The following TTC3 variants were observed in gnomAD, a reference collection of about 807,000 sequenced individuals.
TTC3 encodes tetratricopeptide repeat domain 3, also known as E3 ubiquitin-protein ligase TTC3.
In TTC3, 180 loss-of-function variants were observed where a neutral mutation model predicts 249.6. The ratio of observed to expected loss-of-function variants is 0.72; its 90% confidence interval spans 0.64 to 0.82. The LOEUF (loss-of-function observed/expected upper bound fraction) is 0.82, where lower values mean the gene tolerates loss of function less well. TTC3 is among the 40% of genes least tolerant of loss of function. The probability of loss-of-function intolerance (pLI) is 0.00; values close to 1 mark genes in which losing one functional copy is unlikely to be tolerated. For missense variants in TTC3, 2,061 were observed against 2,398.4 expected (o/e 0.86, Z 2.94); for synonymous variants, 717 against 805.0 (o/e 0.89, Z 1.85).
At chr21:37,199,318 G>A (rs535810900) in intron 44 of TTC3, among the ~76,000 whole-genome samples, 12 of 152,376 alleles carry the variant, frequency 7.9e-5, no homozygotes, top group East Asian at 7.7e-4. Context: ...ACCCAGATGG[G>A]ACTCATTTTG....
intron 34 of TTC3, among the ~76,000 whole-genome samples, chr21:37,170,338 A>G (rs2081646976): frequency 6.6e-6 from 1 of 152,258 alleles, no homozygotes; most frequent in Non-Finnish European, 1.5e-5. Context: ...ACAATTCACA[A>G]TGAAAGAAAT....
At position 37,122,087 on chromosome 21, in the gene TTC3, A is replaced by G. The variant is rs1601592626; in HGVS notation, c.1063+108A>G. 5.7e-6 allele frequency: 6 copies of G among 1,051,786 alleles called. No homozygotes were observed. In the East Asian group the frequency reaches 1.6e-4, roughly 28 times the overall value. 65.2% of individuals were successfully genotyped at this position (1,051,786 alleles called of 1,614,324 possible). A position where few individuals can be genotyped will look rare whatever the true frequency, so the allele number is the denominator to read the frequency against. On this transcript the variant is annotated intron_variant, in intron 12 of 45. Coordinates refer to ENST00000355666, the Ensembl canonical transcript of TTC3. ...CCACAAATCAATCCTCAGATGATTT[A>G]TCCTTATTTTATCATGTTATCTTGG...
chr21:37,138,513 A>G, intron 18 of TTC3, 121 bp from the exon 19 acceptor site: 2 of 650,030 alleles, frequency 3.1e-6, no homozygotes. Flanking sequence ...AGATTTTATG[A>G]CAATCATTGA....
rs553316028 is a variant in TTC3, at chr21:37,087,267, T to A, written c.10T>A (p.Phe4Ile). 13 of 1,613,980 alleles carry A rather than the reference T, an allele frequency of 8.1e-6. No individual in the cohort carries two copies. The East Asian group carries it at 2.9e-4, about 36-fold the overall frequency. Residue 4 changes from phenylalanine to isoleucine, a missense_variant, in exon 2 of 46, where the codon TTT (phenylalanine) becomes ATT (isoleucine). Physicochemically the swap from Phe to Ile is conservative, Grantham distance 21. Coordinates refer to ENST00000355666, the Ensembl canonical transcript of TTC3. ...CTTAGACTTGTGCACCATGGACAAT[T>A]TTGCTGAGGGAGATTTCACTGTGGC...
Position 37,147,464 on chromosome 21 carries a change from T to C in TTC3, c.1894-17T>C, listed in dbSNP as rs774956453. ...ATTAGTATTGTAATGGTATCATTTT[T>C]GTTTATTTTGTTTTAGATGCTGTTA... On this transcript the variant is annotated splice_polypyrimidine_tract_variant and intron_variant, in intron 21 of 45. Coordinates refer to ENST00000355666, the Ensembl canonical transcript of TTC3. 2.9e-5 allele frequency: 46 copies of C among 1,590,450 alleles called. No individual in the cohort carries two copies. Among genetic ancestry groups the C allele is most frequent in the Non-Finnish European group, 3.5e-5 (41 of 1,172,064 alleles).
chr21:37,162,728 C>G, intron 31 of TTC3, among the ~76,000 whole-genome samples: 1 of 151,968 alleles, frequency 6.6e-6, no homozygotes, highest in East Asian at 1.9e-4. Context: ...AATAGCCTGT[C>G]TTAGTCAGTT....
intron 41 of TTC3, among the ~76,000 whole-genome samples, chr21:37,195,279 G>A (rs1430677714): frequency 6.6e-6 from 1 of 152,192 alleles, no homozygotes; most frequent in Non-Finnish European, 1.5e-5. Context: ...GGAAGAGGAG[G>A]CGGCCCCCTG....
chr21:37,082,714 G>A, intron 1 of TTC3: 1 of 817,072 alleles, frequency 1.2e-6, no homozygotes, highest in Non-Finnish European at 1.5e-6. Flanking sequence ...TCCAAAAAGT[G>A]TTTTTTTTTT....
intron 6 of TTC3, chr21:37,090,544 T>C: frequency 2.1e-6 from 2 of 938,746 alleles, no homozygotes; most frequent in Non-Finnish European, 2.5e-6. Flanking sequence ...TCTTTTAGAT[T>C]ATTTACCTGG....
rs759361665 is a variant in TTC3 at position 37,165,532 on chromosome 21, A to G, written c.3336-18A>G. On this transcript the variant is annotated intron_variant, in intron 32 of 45. Coordinates refer to ENST00000355666, the Ensembl canonical transcript of TTC3. ...TACTTCCTTATAGTAACTCATGTAAATGTAAATTTTTTCCAAGTTACTTCT... is the reference window on the plus strand; with the variant it reads ...TACTTCCTTATAGTAACTCATGTAAGTGTAAATTTTTTCCAAGTTACTTCT... The G allele has an allele frequency of 3.8e-6, 6 of 1,565,162 alleles. No individual in the cohort carries two copies. The highest frequency in any genetic ancestry group is 1.2e-5 in the South Asian group (1 of 84,696).
At chr21:37,178,210 C>T (rs543733312) in intron 35 of TTC3, among the ~76,000 whole-genome samples, 16 of 152,168 alleles carry the variant, frequency 1.1e-4, no homozygotes, top group Non-Finnish European at 2.4e-4. Flanking sequence ...ACATTTTATT[C>T]ATTCACTAGT....
At chr21:37,198,155 A>G (rs563198638) in intron 44 of TTC3, 130 bp downstream of exon 44, 58 of 1,128,838 alleles carry the variant, frequency 5.1e-5, no homozygotes, top group Admixed American at 1.8e-4. Flanking sequence ...CTGAATTTCA[A>G]TGTACTTGAA....
intron 29 of TTC3, among the ~76,000 whole-genome samples, chr21:37,160,147 A>G (rs923806326): frequency 6.6e-6 from 1 of 151,748 alleles, no homozygotes; most frequent in African/African-American, 2.4e-5. Context: ...TTAAGTTAAA[A>G]CAGTTCCAGA....
intron 26 of TTC3, 59 bp downstream of exon 26, chr21:37,152,088 T>C: frequency 2.1e-6 from 3 of 1,449,350 alleles, no homozygotes; most frequent in Non-Finnish European, 2.7e-6. Flanking sequence ...TGTATAAATG[T>C]AAGCATCTTT....
At chr21:37,170,215 T>A (rs1021363276) in intron 34 of TTC3, among the ~76,000 whole-genome samples, 3 of 151,788 alleles carry the variant, frequency 2.0e-5, no homozygotes, top group Non-Finnish European at 1.5e-5. Context: ...ACAAGGAAAA[T>A]TATGTGCAGT....
At chr21:37,121,431 G>A in intron 11 of TTC3, 1 of 158,422 alleles carries the variant, frequency 6.3e-6, no homozygotes, top group South Asian at 1.9e-4. Flanking sequence ...ATGACTTAGA[G>A]ATTGTTACTG....
intron 35 of TTC3, among the ~76,000 whole-genome samples, chr21:37,181,029 T>C (rs1259989248): frequency 6.6e-6 from 1 of 152,212 alleles, no homozygotes; most frequent in Non-Finnish European, 1.5e-5. Context: ...ATTTGTTTTA[T>C]GCTAAGTTTG....
intron 5 of TTC3, among the ~76,000 whole-genome samples, chr21:37,089,120 G>C (rs748610408): frequency 1.4e-4 from 21 of 152,170 alleles, no homozygotes; most frequent in Non-Finnish European, 2.9e-4. Flanking sequence ...GTCATTAAAG[G>C]ATAGAAATTG....
chr21:37,184,105 TTGA>T (rs2083007203), intron 36 of TTC3, among the ~76,000 whole-genome samples: 1 of 152,252 alleles, frequency 6.6e-6, no homozygotes, highest in South Asian at 2.1e-4. Context: ...TCATGTCATT[TTGA>T]TGATCAAAGT....
Sources: gnomAD v4.1 joint callset for allele counts (sites outside exome capture counted in the v4.1 genomes callset) on GRCh38, gnomAD v4.1.1 for gene constraint, MANE v1.5 for transcripts, NCBI Gene and HGNC (gene_info 2026-07-23, HGNC 2026-07-21) for gene names.